Variants in SACS observed in about 807,000 individuals in gnomAD.
SACS encodes sacsin molecular chaperone.
SACS carries 197 observed loss-of-function variants against 348.0 expected under a neutral mutation model. The observed-to-expected ratio is 0.57, with a 90% confidence interval of 0.50 to 0.64. The LOEUF (loss-of-function observed/expected upper bound fraction) is 0.64, where lower values mean the gene tolerates loss of function less well. Ranked by LOEUF, SACS falls within the 30% of genes least tolerant of loss-of-function variation. SACS has a pLI of 0.00. For missense variants in SACS, 4,999 were observed against 5,360.8 expected, an observed-to-expected ratio of 0.93 and a Z score of 2.11; for synonymous variants, 1,985 against 1,910.6, an observed-to-expected ratio of 1.04 and a Z score of -1.02.
chr13:23,409,828 T>C (rs1391381524), intron 2 of SACS, among the ~76,000 whole-genome samples: 1 of 152,186 alleles, frequency 6.6e-6, no homozygotes, highest in Non-Finnish European at 1.5e-5. Context: ...TTAATTCATA[T>C]TTTTTCTAGC....
intron 4 of SACS, 42 bp from the exon 5 acceptor site, chr13:23,368,529 C>T: frequency 7.0e-7 from 1 of 1,422,814 alleles, no homozygotes; most frequent in South Asian, 1.2e-5. Context: ...GAAAAAAAAT[C>T]CCATGAATTG....
rs757856445 is a variant in SACS, at chr13:23,355,945, C to A, written c.667G>T (p.Gly223Cys). Reference protein sequence around the residue: ...GMLDPHQTLFGPHESGQCWNL... With the variant: ...GMLDPHQTLFCPHESGQCWNL... ...CAACATTGGCCTGATTCATGTGGGC[C>A]AAAAAGTGTTTGATGAGGATCTAGC... is the stretch of plus-strand genomic sequence containing the variant. Residue 223 changes from glycine to cysteine, a missense_variant, in exon 8 of 10, where the codon GGC (glycine) becomes TGC (cysteine). This residue lies in a region of SACS where 3,156 missense variants were observed against 3,380.1 expected (regional missense o/e 0.93). Coordinates refer to ENST00000382292, the MANE Select transcript of SACS (RefSeq NM_014363.6). 6.2e-7 allele frequency: 1 copy of A among 1,613,574 alleles called. No individual in the cohort carries two copies. Among genetic ancestry groups the A allele is most frequent in the Non-Finnish European group, 8.5e-7 (1 of 1,179,870 alleles).
At chr13:23,387,463 GAAAAAAAAAA>G (rs60355580) in intron 2 of SACS, among the ~76,000 whole-genome samples, 30 of 91,364 alleles carry the variant, frequency 3.3e-4, no homozygotes, top group Non-Finnish European at 5.6e-4. Context: ...CTCCGTCTCA[GAAAAAAAAAA>G]AAAAAAAAAA....
In SACS at chr13:23,354,841, GCA is replaced by G. The variant is rs1383333220; in HGVS notation, c.1769_1770del (p.Val590AlafsTer55). On this transcript the variant is annotated frameshift_variant, in exon 8 of 10. Transcript: ENST00000382292. LOFTEE classifies it high-confidence loss of function. Reference sequence around the variant, plus strand: ...TTCCCTGAGCTCTGGAGGTAGTTGAGCACAGTTTTTGTGTATTCTAAATTTTC... The same window carrying G: ...TTCCCTGAGCTCTGGAGGTAGTTGAGCAGTTTTTGTGTATTCTAAATTTTC... ...LDENLEYTKTVLNYLQSSGKQ... is the reference protein window; with the variant it reads ...LDENLEYTKTXLNYLQSSGKQ... 6.2e-6 allele frequency: 10 copies of G among 1,614,064 alleles called. No homozygotes were observed. The highest frequency in any genetic ancestry group is 7.6e-6 in the Non-Finnish European group (9 of 1,180,040).
At chr13:23,404,419 A>G (rs1873115732) in intron 2 of SACS, among the ~76,000 whole-genome samples, 1 of 152,216 alleles carries the variant, frequency 6.6e-6, no homozygotes, top group African/African-American at 2.4e-5. Context: ...CATGGAATGT[A>G]TCTCAAAATA....
chr13:23,408,989 C>G (rs1361070745), intron 2 of SACS, among the ~76,000 whole-genome samples: 1 of 131,244 alleles, frequency 7.6e-6, no homozygotes, highest in Non-Finnish European at 1.7e-5. Context: ...ATTGTTTTTC[C>G]CCAGAATAAT....
chr13:23,337,658 C>CT lies in SACS; in HGVS notation c.6217dup (p.Arg2073LysfsTer11), dbSNP rs2137611653. The CT allele has an allele frequency of 1.2e-6, 2 of 1,613,298 alleles. No homozygotes were observed. The highest frequency in any genetic ancestry group is 2.2e-5 in the East Asian group (1 of 44,860). On this transcript the variant is annotated frameshift_variant, in exon 10 of 10. Coordinates refer to ENST00000382292, the MANE Select transcript of SACS (RefSeq NM_014363.6). LOFTEE classifies it high-confidence loss of function. ...TAGAACAAAGATCATTAAAGGATCTCTAAGTTCTGCTTCAATTTCTTGAAT... is the reference window on the plus strand; with the variant it reads ...TAGAACAAAGATCATTAAAGGATCTCTTAAGTTCTGCTTCAATTTCTTGAAT...
At chr13:23,380,512 G>T (rs1028129567) in intron 2 of SACS, among the ~76,000 whole-genome samples, 1 of 152,072 alleles carries the variant, frequency 6.6e-6, no homozygotes, top group African/African-American at 2.4e-5. Context: ...TGAGAAACTC[G>T]AAACCAAGCC....
chr13:23,341,037 A>G lies in SACS; in HGVS notation c.2839T>C (p.Cys947Arg). Residue 947 changes from cysteine (C) to arginine (R), a missense_variant, in exon 10 of 10, where the codon TGT (cysteine) becomes CGT (arginine). By Grantham distance (180) the Cys-to-Arg change is radical. Transcript: ENST00000382292. ...GISSYTKLKGCKVLHHTAKLP... is the reference protein window; with the variant it reads ...GISSYTKLKGRKVLHHTAKLP... ...TTGGCAGTATGGTGTAAGACTTTACAACCTTTCAATTTTGTATAAGAGGAA... is the reference window on the plus strand; with the variant it reads ...TTGGCAGTATGGTGTAAGACTTTACGACCTTTCAATTTTGTATAAGAGGAA... 1 of 1,614,130 alleles carries G rather than the reference A, an allele frequency of 6.2e-7. No homozygotes were observed. The highest frequency in any genetic ancestry group is 8.5e-7 in the Non-Finnish European group (1 of 1,179,990).
In SACS at chr13:23,331,370, A is replaced by C; in HGVS notation, c.12506T>G (p.Leu4169Arg). The C allele has an allele frequency of 1.2e-6, 2 of 1,614,092 alleles. No individual in the cohort carries two copies. The highest frequency in any genetic ancestry group is 1.7e-6 in the Non-Finnish European group (2 of 1,179,966). Residue 4169 changes from leucine to arginine, a missense_variant, in exon 10 of 10, where the codon CTT becomes CGT. By Grantham distance (102) the Leu-to-Arg change is moderately radical (BLOSUM62 -2). Coordinates refer to ENST00000382292, the MANE Select transcript of SACS (RefSeq NM_014363.6). ...GTAAAAAACATTCATTGGGTCCATA[A>C]GCAGAGTGTAATGAATTTCAGCAGG... ...PIPAEIHYTL[L>R]MDPMNVFYPG...
Position 23,329,221 on chromosome 13 carries a change from C to T in SACS, c.*915G>A. On this transcript the variant is annotated 3_prime_UTR_variant, in exon 10 of 10. Coordinates refer to ENST00000382292, the MANE Select transcript of SACS (RefSeq NM_014363.6). ...TTTGATGTTTTTAAAGTTAAAAAAA[C>T]TCCACTACATGCCATATTGAAAGAA... The T allele has an allele frequency of 2.2e-6, 1 of 464,220 alleles. No homozygotes were observed. The highest frequency in any genetic ancestry group is 3.8e-6 in the Non-Finnish European group (1 of 266,526). The allele number at this position is 464,220 out of a possible 1,614,324, so 28.8% of individuals were successfully genotyped here. A position where few individuals can be genotyped will look rare whatever the true frequency, so the allele number is the denominator to read the frequency against.
rs71100176 is a variant in SACS at position 23,388,487 on chromosome 13, GTATATA to G, written c.21-13224_21-13219del. Among the ~76,000 whole-genome samples, 48 of 140,170 alleles carry G rather than the reference GTATATA, an allele frequency of 3.4e-4. 1 individual carries two copies. Among genetic ancestry groups the G allele is most frequent in the African/African-American group, 9.5e-4 (36 of 37,766 alleles). 92.0% of individuals were successfully genotyped at this position (140,170 alleles called of 152,430 possible). Reference sequence around the variant, plus strand: ...TAAAATATAAAAATATGGTGTGTGTGTATATATATATATATATATATACACACACAT... The same window carrying G: ...TAAAATATAAAAATATGGTGTGTGTGTATATATATATATATACACACACAT... On this transcript the variant is annotated intron_variant, in intron 2 of 9. Coordinates refer to ENST00000382292, the MANE Select transcript of SACS (RefSeq NM_014363.6).
intron 1 of SACS, chr13:23,419,217 G>C (rs530361018): frequency 6.6e-6 from 1 of 152,524 alleles, no homozygotes; most frequent in Admixed American, 6.5e-5. Flanking sequence ...AGCTGAGAGA[G>C]GGGACCGGGC....
At chr13:23,394,332 A>G (rs567176338) in intron 2 of SACS, among the ~76,000 whole-genome samples, 4 of 152,284 alleles carry the variant, frequency 2.6e-5, no homozygotes, top group African/African-American at 7.2e-5. Context: ...CTGGCCTGCC[A>G]TCAGCAAGAA....
chr13:23,330,299 A>C lies in SACS; in HGVS notation c.13577T>G (p.Leu4526Trp). 1 of 1,614,240 alleles carries C rather than the reference A, an allele frequency of 6.2e-7. No homozygotes were observed. The highest frequency in any genetic ancestry group is 8.5e-7 in the Non-Finnish European group (1 of 1,180,030). ...TAAACTGTCTACACCATAAGCTTCC[A>C]ATGTGTGAACATCATTTGTCAGTCC... is the stretch of plus-strand genomic sequence containing the variant. ...LEGLTNDVHT[L>W]EAYGVDSLKT... The change falls in exon 10 of 10, where the codon TTG (leucine) becomes TGG (tryptophan). Residue 4526 changes from leucine to tryptophan, a missense_variant. Leu to Trp is a moderately conservative substitution (Grantham distance 61). Transcript: ENST00000382292.
chr13:23,367,557 C>T (rs1013799205), intron 5 of SACS, among the ~76,000 whole-genome samples: 1 of 152,096 alleles, frequency 6.6e-6, no homozygotes, highest in African/African-American at 2.4e-5. Flanking sequence ...TTATTGCTTT[C>T]TTTGATGATT....
At chr13:23,353,287 T>C (rs956679553) in intron 9 of SACS, among the ~76,000 whole-genome samples, 4 of 152,140 alleles carry the variant, frequency 2.6e-5, no homozygotes, top group African/African-American at 9.7e-5. Flanking sequence ...TCAAGCCTAA[T>C]GCAAACCCAG....
chr13:23,399,856 C>T (rs1375445977), intron 2 of SACS, among the ~76,000 whole-genome samples: 2 of 152,074 alleles, frequency 1.3e-5, no homozygotes, highest in Non-Finnish European at 2.9e-5. Context: ...AACCTCCCCT[C>T]CTACCAGAGA....
Position 23,368,890 on chromosome 13 carries a change from G to T in SACS, c.260-403C>A, listed in dbSNP as rs892526578. On this transcript the variant is annotated intron_variant, in intron 4 of 9. Transcript: ENST00000382292. ...ATTTTTTTGTATTTTTAGTAGAGAT[G>T]GGGTTTCACCATGTTAGCCAGGATG... Among the ~76,000 whole-genome samples the T allele has an allele frequency of 3.9e-5, 6 of 152,100 alleles. No individual in the cohort carries two copies. In the East Asian group the frequency reaches 5.8e-4, roughly 15 times the overall value.
Sources: allele counts gnomAD v4.1 joint callset (sites outside exome capture counted in the v4.1 genomes callset), GRCh38; gene constraint gnomAD v4.1.1; regional missense constraint gnomAD v4.1.1; transcripts MANE v1.5; gene names NCBI Gene and HGNC (gene_info 2026-07-23, HGNC 2026-07-21).